The following MAMDC4 variants were observed in gnomAD, a reference collection of about 807,000 sequenced individuals.
MAMDC4 encodes MAM domain containing 4, also known as apical endosomal glycoprotein.
MAMDC4 carries 168 observed loss-of-function variants against 153.3 expected under a neutral mutation model. The observed-to-expected ratio is 1.10, with a 90% CI of 0.97 to 1.25. The LOEUF (loss-of-function observed/expected upper bound fraction) is 1.25. Ranked by LOEUF, MAMDC4 falls within the 50% of genes most tolerant of loss-of-function variation. The pLI, the probability that MAMDC4 is intolerant of heterozygous loss-of-function variation, is 0.00. For synonymous variants in MAMDC4, 744 were observed against 651.5 expected (o/e 1.14, Z -2.16); for missense variants, 1,701 against 1,542.8 (o/e 1.10, Z -1.72).
rs1459224429 is a variant in MAMDC4 at position 136,859,318 on chromosome 9, G to A, written c.3193+1G>A. ...TGCCAGCAGCCTGCCCCCAGCCCGG[G>A]TGAGCCCTGGGCTGCAGTGGAGGCA... On this transcript the variant is annotated splice_donor_variant, in intron 25 of 26. Transcript: ENST00000317446. LOFTEE classifies it high-confidence loss of function. The A allele has an allele frequency of 1.2e-6, 2 of 1,609,238 alleles. No individual in the cohort carries two copies. Among genetic ancestry groups the A allele is most frequent in the East Asian group, 4.5e-5 (2 of 44,886 alleles).
In MAMDC4 at chr9:136,860,614, A is replaced by C; in HGVS notation, c.*11A>C. 6.2e-7 allele frequency: 1 copy of C among 1,613,284 alleles called. No individual in the cohort carries two copies. The stretch of plus-strand genomic sequence containing the variant: ...ACCAGTGATCCGTAGACCACCCCAG[A>C]CAAGGCCCCGCTTCCTCACGTGACA... On this transcript the variant is annotated 3_prime_UTR_variant, in exon 27 of 27. Coordinates refer to ENST00000317446, the MANE Select transcript of MAMDC4 (RefSeq NM_206920.3).
intron 22 of MAMDC4, 58 bp downstream of exon 22, chr9:136,858,604 C>T: frequency 3.8e-6 from 6 of 1,576,214 alleles, no homozygotes; most frequent in Non-Finnish European, 5.2e-6. Flanking sequence ...CCTCCTGCTG[C>T]CCACCCACAG....
intron 1 of MAMDC4, 119 bp from the exon 2 acceptor site, chr9:136,852,983 C>G: frequency 1.2e-6 from 1 of 817,204 alleles, no homozygotes; most frequent in African/African-American, 1.7e-5. Context: ...GCTCCATCTC[C>G]TGGTCTGAGG....
chr9:136,857,294 A>G lies in MAMDC4; in HGVS notation c.2102A>G (p.Tyr701Cys), dbSNP rs1319131982. Residue 701 changes from tyrosine (Y) to cysteine (C), a missense_variant, in exon 17 of 27, where the codon TAC becomes TGC. Coordinates refer to ENST00000317446, the MANE Select transcript of MAMDC4 (RefSeq NM_206920.3). ...LSHQPGSHAQ[Y>C]QLLFEGLRDG... ...CACCAGCCTGGCTCCCATGCCCAGT[A>G]CCAGGTGAGGCCTGGCACCCGGGTG... 2 of 1,604,128 alleles carry G rather than the reference A, an allele frequency of 1.2e-6. No homozygotes were observed. The highest frequency in any genetic ancestry group is 1.7e-5 in the Admixed American group (1 of 58,652).
In MAMDC4 at chr9:136,859,384, C is replaced by G. The variant is rs1286653534; in HGVS notation, c.3193+67C>G. 4.3e-6 allele frequency: 6 copies of G among 1,394,838 alleles called. No individual in the cohort carries two copies. In the Admixed American group the frequency reaches 1.3e-4, roughly 31 times the overall value. 86.4% of individuals were successfully genotyped at this position (1,394,838 alleles called of 1,614,324 possible). ...GGGGCCAGCCTGGCTCGGGGTTTGCCAGGCTTACCAGTGTGTGGTCCCAGG... is the reference window on the plus strand; with the variant it reads ...GGGGCCAGCCTGGCTCGGGGTTTGCGAGGCTTACCAGTGTGTGGTCCCAGG... On this transcript the variant is annotated intron_variant, in intron 25 of 26. Transcript: ENST00000317446.
Position 136,854,065 on chromosome 9 carries a change from G to A in MAMDC4, c.659G>A (p.Cys220Tyr). 6.2e-7 allele frequency: 1 copy of A among 1,612,814 alleles called. No individual in the cohort carries two copies. The highest frequency in any genetic ancestry group is 8.5e-7 in the Non-Finnish European group (1 of 1,179,942). The change falls in exon 6 of 27, where the codon TGT becomes TAT. Residue 220 changes from cysteine to tyrosine, a missense_variant. By Grantham distance (194) the Cys-to-Tyr change is radical (BLOSUM62 -2). Coordinates refer to ENST00000317446, the MANE Select transcript of MAMDC4 (RefSeq NM_206920.3). ...CTAGATGACCTAGAGTTCTGGGACTGTGGTCTGCCCAGTAAGGCACCGCCT... is the reference window on the plus strand; with the variant it reads ...CTAGATGACCTAGAGTTCTGGGACTATGGTCTGCCCAGTAAGGCACCGCCT... ...VALDDLEFWD[C>Y]GLPTPQANCP...
intron 23 of MAMDC4, 61 bp downstream of exon 23, chr9:136,858,914 A>G (rs1849047305): frequency 6.4e-7 from 1 of 1,551,812 alleles, no homozygotes; most frequent in East Asian, 2.3e-5. Flanking sequence ...CCAGGAGCAG[A>G]GGTGGGGAGG....
intron 26 of MAMDC4, 145 bp downstream of exon 26, chr9:136,860,209 A>G: frequency 1.0e-6 from 1 of 994,774 alleles, no homozygotes; most frequent in Non-Finnish European, 1.4e-6. Flanking sequence ...TGCCTCTCCC[A>G]GCCACCACTG....
chr9:136,857,447 G>A lies in MAMDC4; in HGVS notation c.2187G>A (p.Trp729Ter), dbSNP rs1304235227. 1.4e-5 allele frequency: 23 copies of A among 1,608,424 alleles called. No homozygotes were observed. The highest frequency in any genetic ancestry group is 1.9e-5 in the Non-Finnish European group (23 of 1,179,942). The change falls in exon 18 of 27, where the codon TGG becomes TGA. Residue 729 changes from tryptophan (W) to a stop codon, truncating the protein, a stop_gained. Coordinates refer to ENST00000317446, the MANE Select transcript of MAMDC4 (RefSeq NM_206920.3). LOFTEE classifies it high-confidence loss of function. Reference protein sequence around the residue: ...DDVAVRPGPCWAPNYCSFEDS... With the variant: ...DDVAVRPGPC ...TGGCCGTGCGGCCGGGCCCCTGCTG[G>A]GCCCCTAATTACTGCTCCTTTGAGG...
At chr9:136,855,920 G>C in intron 13 of MAMDC4, 72 bp downstream of exon 13, 2 of 1,515,760 alleles carry the variant, frequency 1.3e-6, no homozygotes, top group South Asian at 2.6e-5. Context: ...TCTCTGCTCT[G>C]CCTCTGCACT....
rs758356759 is a variant in MAMDC4, at chr9:136,853,536, C to T, written c.329-9C>T. 16 of 1,612,632 alleles carry T rather than the reference C, an allele frequency of 9.9e-6. No individual in the cohort carries two copies. The highest frequency in any genetic ancestry group is 1.3e-5 in the Non-Finnish European group (15 of 1,179,960). On this transcript the variant is annotated splice_polypyrimidine_tract_variant and intron_variant, in intron 3 of 26. Coordinates refer to ENST00000317446, the MANE Select transcript of MAMDC4 (RefSeq NM_206920.3). ...CCTGCCCCGTCTCCTGACCTCTCAC[C>T]TGCGCCAGGCTGGTACATGGCCGTT...
chr9:136,860,753 C>A lies in MAMDC4; in HGVS notation c.*150C>A. The A allele has an allele frequency of 1.3e-6, 1 of 759,200 alleles. No homozygotes were observed. Among genetic ancestry groups the A allele is most frequent in the Admixed American group, 2.7e-5 (1 of 36,706 alleles). The allele number at this position is 759,200 out of a possible 1,614,324, so 47.0% of individuals were successfully genotyped here. ...CTGGGCGTTCCCTGCCCTGTGCTGA[C>A]TCTGTTGCTCTGTGAATAAACACCC... On this transcript the variant is annotated 3_prime_UTR_variant, in exon 27 of 27. Coordinates refer to ENST00000317446, the MANE Select transcript of MAMDC4 (RefSeq NM_206920.3).
At chr9:136,857,104 GCT>G in intron 16 of MAMDC4, 59 bp from the exon 17 acceptor site, 1 of 1,604,302 alleles carries the variant, frequency 6.2e-7, no homozygotes, top group Non-Finnish European at 8.5e-7. Context: ...AGAGTCCCCC[GCT>G]CTGACACCCA....
chr9:136,853,809 G>A lies in MAMDC4; in HGVS notation c.487G>A (p.Gly163Ser), dbSNP rs1027316886. 6.2e-7 allele frequency: 1 copy of A among 1,612,052 alleles called. No homozygotes were observed. Among genetic ancestry groups the A allele is most frequent in the Non-Finnish European group, 8.5e-7 (1 of 1,179,622 alleles). Residue 163 changes from glycine (G) to serine (S), a missense_variant, in exon 5 of 27, where the codon GGC becomes AGC. Transcript: ENST00000317446. ...TGAACTGCGGGTGGAGCTGACCCAT[G>A]GCGCAGAGACCCTGACCCTGTGGCA... ...VAELRVELTHGAETLTLWQST... is the reference protein window; with the variant it reads ...VAELRVELTHSAETLTLWQST...
chr9:136,857,477 A>G lies in MAMDC4; in HGVS notation c.2217A>G (p.Ser739=), dbSNP rs774792091. The G allele has an allele frequency of 2.5e-6, 4 of 1,609,288 alleles. No individual in the cohort carries two copies. The highest frequency in any genetic ancestry group is 3.4e-6 in the Non-Finnish European group (4 of 1,179,944). The change falls in exon 18 of 27, where the codon TCA becomes TCG. Residue 739 remains serine, a synonymous_variant. Coordinates refer to ENST00000317446, the MANE Select transcript of MAMDC4 (RefSeq NM_206920.3). ...CTAATTACTGCTCCTTTGAGGACTC[A>G]GACTGCGGCTTCTCCCCTGGAGGCC... ...WAPNYCSFED[S]DCGFSPGGQG...
In MAMDC4 at chr9:136,854,305, G is replaced by A. The variant is rs1260282810; in HGVS notation, c.765G>A (p.Gly255=). The A allele has an allele frequency of 1.9e-6, 3 of 1,594,254 alleles. No homozygotes were observed. Among genetic ancestry groups the A allele is most frequent in the South Asian group, 2.3e-5 (2 of 88,136 alleles). The change falls in exon 7 of 27, where the codon GGG becomes GGA. Residue 255 remains glycine, a synonymous_variant. Transcript: ENST00000317446. ...TGTGCGACGGGGAAGACAACTGCGGGGACCTGTCTGATGAGAACCCACTCA... is the reference window on the plus strand; with the variant it reads ...TGTGCGACGGGGAAGACAACTGCGGAGACCTGTCTGATGAGAACCCACTCA... ...QQLCDGEDNC[G]DLSDENPLTC...
At position 136,857,256 on chromosome 9, in the gene MAMDC4, G is replaced by A; in HGVS notation, c.2064G>A (p.Trp688Ter). ...GTQGNRWHEA[W>*]ATLSHQPGSH... ...AGGGCAACCGCTGGCACGAGGCCTG[G>A]GCCACCCTTTCCCACCAGCCTGGCT... The change falls in exon 17 of 27, where the codon TGG becomes TGA. Residue 688 changes from tryptophan (W) to a stop codon, truncating the protein, a stop_gained. Transcript: ENST00000317446. LOFTEE classifies it high-confidence loss of function. The A allele has an allele frequency of 1.2e-6, 2 of 1,604,148 alleles. No individual in the cohort carries two copies. The highest frequency in any genetic ancestry group is 1.7e-6 in the Non-Finnish European group (2 of 1,175,996).
Position 136,859,289 on chromosome 9 carries a change from G to T in MAMDC4, c.3165G>T (p.Gln1055His). 6.2e-7 allele frequency: 1 copy of T among 1,611,642 alleles called. No individual in the cohort carries two copies. ...ATGACGTGGAGTATCTGGCTGGGCAGCATTGCCAGCAGCCTGCCCCCAGCC... is the reference window on the plus strand; with the variant it reads ...ATGACGTGGAGTATCTGGCTGGGCATCATTGCCAGCAGCCTGCCCCCAGCC... ...ALDDVEYLAG[Q>H]HCQQPAPSPG... Residue 1055 changes from glutamine to histidine, a missense_variant, in exon 25 of 27, where the codon CAG becomes CAT. Gln to His is a conservative substitution (Grantham distance 24). Coordinates refer to ENST00000317446, the MANE Select transcript of MAMDC4 (RefSeq NM_206920.3).
chr9:136,853,732 G>A, intron 4 of MAMDC4, 45 bp from the exon 5 acceptor site: 1 of 1,605,876 alleles, frequency 6.2e-7, no homozygotes, highest in South Asian at 1.1e-5. Context: ...TGGGCAGCTG[G>A]GGACAAGCAG....
Sources: gnomAD v4.1 joint callset for allele counts on GRCh38, gnomAD v4.1.1 for gene constraint, MANE v1.5 for transcripts, NCBI Gene and HGNC (gene_info 2026-07-23, HGNC 2026-07-21) for gene names.